SNED1: variants seen among roughly 807,000 people sequenced by gnomAD.
SNED1 encodes sushi, nidogen and EGF like domains 1.
Under a neutral mutation model 166.7 loss-of-function variants are expected in SNED1, and 81 were observed. The observed-to-expected ratio is 0.49, with a 90% CI of 0.41 to 0.58. SNED1 has a LOEUF of 0.58. SNED1 is among the 20% of genes least tolerant of loss of function. The pLI is 0.00. For missense variants in SNED1, 1,604 were observed against 2,000.2 expected, an observed-to-expected ratio of 0.80 and a Z score of 3.78; for synonymous variants, 762 against 822.0, an observed-to-expected ratio of 0.93 and a Z score of 1.25.
At chr2:241,004,352 TTCCTTTTAATTAGAGTGTTTTAGACC>T in intron 1 of SNED1, among the ~76,000 whole-genome samples, 1 of 152,240 alleles carries the variant, frequency 6.6e-6, no homozygotes. Context: ...GACAAATCTC[TTCCTTTTAATTAGAGTGTTTTAGACC>T]ATTTACATTT....
chr2:241,050,705 G>A (rs560328175), intron 12 of SNED1, among the ~76,000 whole-genome samples: 5 of 152,194 alleles, frequency 3.3e-5, no homozygotes, highest in Admixed American at 6.5e-5. Context: ...AAGCTCTGAC[G>A]AGGTCTTTGT....
intron 16 of SNED1, among the ~76,000 whole-genome samples, chr2:241,053,812 C>T (rs891185746): frequency 6.6e-6 from 1 of 152,186 alleles, no homozygotes; most frequent in Non-Finnish European, 1.5e-5. Flanking sequence ...GCTGGGAGTG[C>T]ACAGCCTAGA....
intron 17 of SNED1, 125 bp downstream of exon 17, chr2:241,063,029 GC>G: frequency 1.6e-6 from 1 of 616,698 alleles, no homozygotes; most frequent in Non-Finnish European, 2.8e-6. Context: ...GCTTTCTCGG[GC>G]CCCTGCCAGC....
At position 241,092,562 on chromosome 2, in the gene SNED1, C is replaced by T. The variant is rs2064104123; in HGVS notation, c.*926C>T. On this transcript the variant is annotated 3_prime_UTR_variant, in exon 32 of 32. Transcript: ENST00000310397. The surrounding 1 kb of genome is among the most constrained non-coding windows in gnomAD (Gnocchi z 4.6). Reference sequence around the variant, plus strand: ...TCACAAGGGTATCAAAGAAAGACCCCTGAATTTTCATGGAAAAAGCTATTC... The same window carrying T: ...TCACAAGGGTATCAAAGAAAGACCCTTGAATTTTCATGGAAAAAGCTATTC... 1 of 152,136 alleles carries T rather than the reference C, an allele frequency of 6.6e-6. No individual in the cohort carries two copies. The highest frequency in any genetic ancestry group is 2.4e-5 in the African/African-American group (1 of 41,412). The allele number at this position is 152,136 out of a possible 1,614,324, so 9.4% of individuals were successfully genotyped here. A position where few individuals can be genotyped will look rare whatever the true frequency, so the allele number is the denominator to read the frequency against.
At position 241,069,900 on chromosome 2, in the gene SNED1, C is replaced by A. The variant is rs747502395; in HGVS notation, c.3308-20C>A. Reference sequence around the variant, plus strand: ...CCCTGTGGGCACCCCCTCACCTCTCCCTGCTCCTGCCTCATCCAGGGCCCC... The same window carrying A: ...CCCTGTGGGCACCCCCTCACCTCTCACTGCTCCTGCCTCATCCAGGGCCCC... On this transcript the variant is annotated intron_variant, in intron 23 of 31. Transcript: ENST00000310397. This position sits in a 1 kb window ranked among gnomAD's most constrained non-coding sequence, Gnocchi z 4.9. The A allele has an allele frequency of 2.2e-5, 35 of 1,607,234 alleles. No individual in the cohort carries two copies. The highest frequency in any genetic ancestry group is 2.8e-5 in the Non-Finnish European group (33 of 1,176,404).
rs139405476 is a variant in SNED1, at chr2:241,014,167, C to T, written c.213+15117C>T. On this transcript the variant is annotated intron_variant, in intron 1 of 31. Transcript: ENST00000310397. The stretch of plus-strand genomic sequence containing the variant: ...AGGATTACAACTGCATGCCACCATG[C>T]CTGGCTAAGTTTTGTATTTTTAGGA... Among the ~76,000 whole-genome samples the T allele has an allele frequency of 5.7e-4, 86 of 152,184 alleles. No individual in the cohort carries two copies. The Middle Eastern group carries it at 0.01, about 18-fold the overall frequency.
intron 31 of SNED1, among the ~76,000 whole-genome samples, chr2:241,090,957 G>A (rs549738574): frequency 3.3e-5 from 5 of 152,076 alleles, no homozygotes; most frequent in East Asian, 1.9e-4. Flanking sequence ...TCATGCGCGC[G>A]GTCCTTCATC....
chr2:241,088,271 C>A, intron 30 of SNED1, 94 bp from the exon 31 acceptor site: 1 of 865,618 alleles, frequency 1.2e-6, no homozygotes, highest in South Asian at 1.4e-5. Flanking sequence ...GAGCTAAAGA[C>A]AGGATCTCAG....
At chr2:241,024,234 C>CTT (rs2060866949) in intron 1 of SNED1, among the ~76,000 whole-genome samples, 1 of 99,174 alleles carries the variant, frequency 1.0e-5, no homozygotes, top group African/African-American at 4.3e-5. Context: ...CACTCTACTA[C>CTT]CTTTTTTTTT....
chr2:241,045,228 T>C (rs1164162390), intron 8 of SNED1, among the ~76,000 whole-genome samples: 1 of 152,246 alleles, frequency 6.6e-6, no homozygotes, highest in Non-Finnish European at 1.5e-5. Context: ...GGCAGTGCTC[T>C]CTAAATTGAT....
chr2:241,059,323 T>C (rs1043719459), intron 16 of SNED1, among the ~76,000 whole-genome samples: 1 of 152,258 alleles, frequency 6.6e-6, no homozygotes, highest in Non-Finnish European at 1.5e-5. Flanking sequence ...AAAGGAATGA[T>C]ACCAACTTTG....
Position 240,998,918 on chromosome 2 carries a change from C to A in SNED1, c.81C>A (p.Ala27=). The stretch of plus-strand genomic sequence containing the variant: ...CGCGCGGGGTGCGCGGCGCGGTGGC[C>A]CTTGCCGACTTCTACCCGTTCGGCG... ...LGARGVRGAV[A]LADFYPFGAE... is the part of the protein sequence containing the mutation. Residue 27 remains alanine, a synonymous_variant, in exon 1 of 32, where the codon GCC becomes GCA. Coordinates refer to ENST00000310397, the MANE Select transcript of SNED1 (RefSeq NM_001080437.3). The A allele has an allele frequency of 8.0e-7, 1 of 1,255,182 alleles. No individual in the cohort carries two copies. The highest frequency in any genetic ancestry group is 1.0e-6 in the Non-Finnish European group (1 of 999,754). The allele number at this position is 1,255,182 out of a possible 1,614,324, so 77.8% of individuals were successfully genotyped here.
At chr2:241,016,643 C>T (rs1488008010) in intron 1 of SNED1, among the ~76,000 whole-genome samples, 1 of 152,054 alleles carries the variant, frequency 6.6e-6, no homozygotes, top group Non-Finnish European at 1.5e-5. Flanking sequence ...GTTATGGTAG[C>T]CTCATAAAAT....
In SNED1 at chr2:241,063,640, C is replaced by T. The variant is rs1168271442; in HGVS notation, c.2425C>T (p.Leu809Phe). ...CAGAAATGGAGGGTCCTGCAGGAAC[C>T]TCCCAGGGGCCTATGTCTGCCGGTG... ...PCRNGGSCRN[L>F]PGAYVCRCPA... The change falls in exon 18 of 32, where the codon CTC (leucine) becomes TTC (phenylalanine). Residue 809 changes from leucine (L) to phenylalanine (F), a missense_variant. Coordinates refer to ENST00000310397, the MANE Select transcript of SNED1 (RefSeq NM_001080437.3). The T allele has an allele frequency of 1.9e-6, 3 of 1,612,354 alleles. No individual in the cohort carries two copies. Among genetic ancestry groups the T allele is most frequent in the East Asian group, 2.2e-5 (1 of 44,840 alleles).
intron 30 of SNED1, chr2:241,088,105 C>T (rs370330192): frequency 1.4e-5 from 7 of 504,338 alleles, no homozygotes; most frequent in Non-Finnish European, 1.1e-5. Flanking sequence ...CTTTCTCCCA[C>T]GTCCATCCTC....
intron 16 of SNED1, 99 bp downstream of exon 16, chr2:241,053,425 G>A: frequency 7.9e-7 from 1 of 1,267,504 alleles, no homozygotes; most frequent in Non-Finnish European, 1.1e-6. Flanking sequence ...AAGCCTGGAT[G>A]CCCAGCTCTG....
At chr2:241,071,203 C>T (rs755494222) in intron 24 of SNED1, among the ~76,000 whole-genome samples, 1 of 152,192 alleles carries the variant, frequency 6.6e-6, no homozygotes, top group South Asian at 2.1e-4. Flanking sequence ...CATCAGGAGG[C>T]CACTGGGGAG....
chr2:241,014,624 G>A (rs557040671), intron 1 of SNED1, among the ~76,000 whole-genome samples: 23 of 152,220 alleles, frequency 1.5e-4, no homozygotes, highest in African/African-American at 3.9e-4. Context: ...CTTTCTCGCC[G>A]ATTCGTGGGG....
At position 241,013,069 on chromosome 2, in the gene SNED1, C is replaced by T. The variant is rs370769041; in HGVS notation, c.213+14019C>T. ...CAGGATGGTCTCGATCTCCTGACCT[C>T]GTGATCCGCCTGTCTCAGCCTCCCA... is the stretch of plus-strand genomic sequence containing the variant. On this transcript the variant is annotated intron_variant, in intron 1 of 31. Coordinates refer to ENST00000310397, the MANE Select transcript of SNED1 (RefSeq NM_001080437.3). This position sits in a 1 kb window ranked among gnomAD's most constrained non-coding sequence, Gnocchi z 4.6. 1.9e-4 allele frequency among the ~76,000 whole-genome samples: 29 copies of T among 152,186 alleles called. No homozygotes were observed. The highest frequency in any genetic ancestry group is 1.4e-3 in the East Asian group (7 of 5,172).
Sources: gnomAD v4.1 joint callset for allele counts (sites outside exome capture counted in the v4.1 genomes callset) on GRCh38, gnomAD v4.1.1 for gene constraint, Gnocchi (gnomAD v3.1) non-coding constraint, MANE v1.5 for transcripts, NCBI Gene and HGNC (gene_info 2026-07-23, HGNC 2026-07-21) for gene names.